SGCZ: variants seen among roughly 807,000 people sequenced by gnomAD.
The protein encoded by SGCZ is sarcoglycan zeta, also known as zeta-sarcoglycan.
In SGCZ, 40 loss-of-function variants were observed where a neutral mutation model predicts 41.3. The ratio of observed to expected loss-of-function variants is 0.97; its 90% CI spans 0.75 to 1.26. The LOEUF (loss-of-function observed/expected upper bound fraction) is 1.26. Ranked by LOEUF, SGCZ falls within the 50% of genes most tolerant of loss-of-function variation. The pLI, the probability that SGCZ is intolerant of heterozygous loss-of-function variation, is 0.00. For missense variants in SGCZ, 552 were observed against 369.8 expected, an observed-to-expected ratio of 1.49 and a Z score of -4.04; for synonymous variants, 206 against 137.5, an observed-to-expected ratio of 1.50 and a Z score of -3.49.
At chr8:14,317,771 G>C (rs1467762327) in intron 3 of SGCZ, among the ~76,000 whole-genome samples, 3 of 151,492 alleles carry the variant, frequency 2.0e-5, no homozygotes, top group Admixed American at 6.6e-5. Flanking sequence ...TAAAAGTCAT[G>C]GCAAAAACTG....
intron 1 of SGCZ, among the ~76,000 whole-genome samples, chr8:15,100,327 A>G (rs1167890778): frequency 2.0e-5 from 3 of 152,204 alleles, no homozygotes; most frequent in African/African-American, 7.2e-5. Context: ...TGTAATTTGA[A>G]ATTAAAAACA....
intron 1 of SGCZ, among the ~76,000 whole-genome samples, chr8:14,576,096 T>A (rs1323971781): frequency 1.3e-5 from 2 of 152,152 alleles, no homozygotes; most frequent in Admixed American, 6.5e-5. Context: ...TCAATGCAAA[T>A]ACTAATGTAT....
chr8:15,046,513 G>A (rs1804305771), intron 1 of SGCZ, among the ~76,000 whole-genome samples: 2 of 151,966 alleles, frequency 1.3e-5, no homozygotes, highest in African/African-American at 4.8e-5. Context: ...CCAGTTTGCA[G>A]TGTTCTTTTT....
intron 1 of SGCZ, among the ~76,000 whole-genome samples, chr8:14,886,673 C>T (rs1804818404): frequency 6.6e-6 from 1 of 152,024 alleles, no homozygotes; most frequent in Non-Finnish European, 1.5e-5. Context: ...CAGACATATC[C>T]CAGGAGGGAA....
At chr8:14,644,126 T>C (rs1248737049) in intron 1 of SGCZ, among the ~76,000 whole-genome samples, 1 of 151,820 alleles carries the variant, frequency 6.6e-6, no homozygotes, top group Non-Finnish European at 1.5e-5. Flanking sequence ...TGATGGTTAA[T>C]GTTATTTCTC....
At chr8:14,381,074 C>T (rs1804343754) in intron 2 of SGCZ, among the ~76,000 whole-genome samples, 1 of 151,726 alleles carries the variant, frequency 6.6e-6, no homozygotes, top group South Asian at 2.1e-4. Flanking sequence ...CTGACTTGAT[C>T]ATAATTAGCA....
chr8:14,605,003 A>G (rs1482969152), intron 1 of SGCZ, among the ~76,000 whole-genome samples: 1 of 152,180 alleles, frequency 6.6e-6, no homozygotes, highest in Non-Finnish European at 1.5e-5. Flanking sequence ...CTGCTTTTAC[A>G]TTCAGTCTTG....
intron 1 of SGCZ, among the ~76,000 whole-genome samples, chr8:14,860,962 T>C (rs775947050): frequency 1.3e-5 from 2 of 152,214 alleles, no homozygotes; most frequent in African/African-American, 2.4e-5. Context: ...CATGAGCAGA[T>C]GAGCTTCATA....
chr8:14,424,530 A>G (rs1015578459), intron 2 of SGCZ, among the ~76,000 whole-genome samples: 2 of 152,198 alleles, frequency 1.3e-5, no homozygotes, highest in Non-Finnish European at 2.9e-5. Context: ...GTGTGTGTGT[A>G]TATATCCCAT....
chr8:14,135,269 G>A (rs1053710662), intron 5 of SGCZ, among the ~76,000 whole-genome samples: 5 of 152,146 alleles, frequency 3.3e-5, no homozygotes, highest in Admixed American at 1.3e-4. Flanking sequence ...ATAATATTTT[G>A]AATTATTTCA....
intron 1 of SGCZ, among the ~76,000 whole-genome samples, chr8:14,772,781 T>C (rs1800288908): frequency 2.0e-5 from 3 of 152,124 alleles, no homozygotes; most frequent in Admixed American, 1.3e-4. Flanking sequence ...GGCTGCATAG[T>C]ATTCCATGGT....
At chr8:14,124,833 G>C (rs1431760658) in intron 5 of SGCZ, among the ~76,000 whole-genome samples, 2 of 152,108 alleles carry the variant, frequency 1.3e-5, no homozygotes, top group East Asian at 1.9e-4. Context: ...TCTTCTTATA[G>C]AAATTTCTAT....
chr8:14,380,178 G>C (rs1804306636), intron 2 of SGCZ, among the ~76,000 whole-genome samples: 1 of 152,104 alleles, frequency 6.6e-6, no homozygotes. Context: ...GCTTTATATA[G>C]TACTTTAACA....
intron 1 of SGCZ, among the ~76,000 whole-genome samples, chr8:14,672,791 T>C (rs1051870847): frequency 6.6e-6 from 1 of 152,114 alleles, no homozygotes; most frequent in Non-Finnish European, 1.5e-5. Flanking sequence ...CTAGTACTAG[T>C]AAGACCTCTT....
chr8:14,192,279 G>C (rs1039764057), intron 4 of SGCZ, among the ~76,000 whole-genome samples: 1 of 151,940 alleles, frequency 6.6e-6, no homozygotes, highest in African/African-American at 2.4e-5. Context: ...TCCCAAGGTA[G>C]TAAAGAATAC....
intron 2 of SGCZ, among the ~76,000 whole-genome samples, chr8:14,530,694 G>A (rs1429837538): frequency 4.2e-3 from 1 of 238 alleles, no homozygotes; most frequent in Non-Finnish European, 0.022. Flanking sequence ...TATCAAGAAT[G>A]ATTATATGCC....
intron 1 of SGCZ, among the ~76,000 whole-genome samples, chr8:15,112,668 C>T (rs181425902): frequency 6.6e-6 from 1 of 152,300 alleles, no homozygotes; most frequent in East Asian, 1.9e-4. Flanking sequence ...GTGAGGAAGT[C>T]CAAGTAGCTC....
At chr8:15,175,291 T>A (rs1465306870) in intron 1 of SGCZ, among the ~76,000 whole-genome samples, 2 of 151,662 alleles carry the variant, frequency 1.3e-5, no homozygotes, top group South Asian at 2.1e-4. Flanking sequence ...CAAAAGCCCA[T>A]CAATGACAGA....
intron 1 of SGCZ, among the ~76,000 whole-genome samples, chr8:14,597,601 T>C (rs1394566789): frequency 2.0e-5 from 3 of 152,036 alleles, no homozygotes; most frequent in African/African-American, 7.2e-5. Flanking sequence ...CCTCAGCCTC[T>C]AGAGTAGCTG....
Sources: allele counts gnomAD v4.1 joint callset (sites outside exome capture counted in the v4.1 genomes callset), GRCh38; gene constraint gnomAD v4.1.1; transcripts MANE v1.5; gene names NCBI Gene and HGNC (gene_info 2026-07-23, HGNC 2026-07-21).